Variants in TRMT11 observed in about 807,000 individuals in gnomAD.
The protein encoded by TRMT11 is tRNA methyltransferase 11.
Under a neutral mutation model 62.8 loss-of-function variants are expected in TRMT11, and 53 were observed. The observed-to-expected ratio is 0.84, with a 90% confidence interval of 0.68 to 1.06. TRMT11 has a LOEUF of 1.06. Ranked by LOEUF, TRMT11 falls within the 50% of genes least tolerant of loss-of-function variation. The pLI is 0.00. For missense variants in TRMT11, 556 were observed against 553.4 expected (o/e 1.00, Z -0.05); for synonymous variants, 188 against 190.3 (o/e 0.99, Z 0.10).
intron 17 of TRMT11, among the ~76,000 whole-genome samples, chr6:126,081,135 A>G (rs1427133530): frequency 6.6e-6 from 1 of 152,224 alleles, no homozygotes; most frequent in Non-Finnish European, 1.5e-5. Flanking sequence ...ACTGTGAACC[A>G]TAAATTTAAT....
intron 11 of TRMT11, 50 bp downstream of exon 11, chr6:126,013,151 C>T (rs554969079): frequency 5.3e-5 from 81 of 1,515,150 alleles, no homozygotes; most frequent in South Asian, 2.6e-4. Flanking sequence ...ACAATGTTTG[C>T]GTATCTAGTA....
chr6:126,089,175 G>A (rs532962220), intron 17 of TRMT11, among the ~76,000 whole-genome samples: 6 of 150,886 alleles, frequency 4.0e-5, no homozygotes, highest in South Asian at 4.2e-4. Flanking sequence ...GTGCAGTGGC[G>A]CGATCTTGGC....
upstream of TRMT11, among the ~76,000 whole-genome samples, chr6:126,174,380 C>T (rs1254047165): frequency 2.0e-5 from 3 of 152,192 alleles, no homozygotes; most frequent in African/African-American, 7.2e-5. Context: ...GTATGAATTT[C>T]GTATCTGTAC....
At chr6:126,031,923 A>G (rs142716672) in intron 12 of TRMT11, among the ~76,000 whole-genome samples, 23 of 152,262 alleles carry the variant, frequency 1.5e-4, no homozygotes, top group African/African-American at 5.1e-4. Context: ...TGGTGAGGCT[A>G]TAAACCAAGG....
intron 1 of TRMT11, among the ~76,000 whole-genome samples, chr6:126,190,368 G>C (rs934099759): frequency 9.9e-5 from 15 of 152,064 alleles, no homozygotes; most frequent in African/African-American, 3.6e-4. Context: ...TCTCATGAGA[G>C]CTGATGGTTT....
At chr6:126,214,680 G>A in the TRMT11 span, among the ~76,000 whole-genome samples, 2 of 151,690 alleles carry the variant, frequency 1.3e-5, no homozygotes, top group Admixed American at 6.6e-5. Context: ...CAAAAAACCA[G>A]CTTGTTGTTT....
intron 17 of TRMT11, among the ~76,000 whole-genome samples, chr6:126,078,711 A>G (rs1333428135): frequency 2.0e-5 from 3 of 152,126 alleles, no homozygotes; most frequent in African/African-American, 7.2e-5. Flanking sequence ...AACTTGAGCG[A>G]CCACAGCTGC....
chr6:126,267,868 G>A, the TRMT11 span, among the ~76,000 whole-genome samples: 1 of 151,992 alleles, frequency 6.6e-6, no homozygotes, highest in African/African-American at 2.4e-5. Context: ...TTCCTGACTG[G>A]CCCCAGGCCA....
chr6:126,194,668 T>G (rs977445559), intron 1 of TRMT11, among the ~76,000 whole-genome samples: 2 of 152,222 alleles, frequency 1.3e-5, no homozygotes, highest in Non-Finnish European at 2.9e-5. Flanking sequence ...CACTGTCCCT[T>G]TCAACTTTGT....
At chr6:126,043,628 C>T (rs1775951220), downstream of TRMT11, among the ~76,000 whole-genome samples, 1 of 152,168 alleles carries the variant, frequency 6.6e-6, no homozygotes, top group African/African-American at 2.4e-5. Flanking sequence ...GGAATTGCCA[C>T]ACTGACTTCT....
intron 21 of TRMT11, among the ~76,000 whole-genome samples, chr6:126,122,385 G>A (rs969382844): frequency 4.6e-5 from 7 of 152,136 alleles, no homozygotes; most frequent in East Asian, 3.9e-4. Flanking sequence ...TTTTCCTCAA[G>A]GCTAGGCATA....
At chr6:126,071,262 C>G (rs1489310033) in intron 17 of TRMT11, among the ~76,000 whole-genome samples, 1 of 152,026 alleles carries the variant, frequency 6.6e-6, no homozygotes, top group Non-Finnish European at 1.5e-5. Context: ...ATAAATCTTT[C>G]TAATTAGCTG....
chr6:126,019,244 A>G (rs1795452013), intron 11 of TRMT11, among the ~76,000 whole-genome samples: 1 of 152,220 alleles, frequency 6.6e-6, no homozygotes, highest in Non-Finnish European at 1.5e-5. Context: ...GTATTGTTAA[A>G]TTAATTGGCT....
At chr6:126,082,982 A>G (rs1287549343) in intron 17 of TRMT11, among the ~76,000 whole-genome samples, 1 of 152,218 alleles carries the variant, frequency 6.6e-6, no homozygotes, top group Admixed American at 6.5e-5. Context: ...GTTAATATCC[A>G]AAATTTATAA....
the TRMT11 span, among the ~76,000 whole-genome samples, chr6:126,249,006 A>G: frequency 6.6e-6 from 1 of 152,128 alleles, no homozygotes. Context: ...AGTATTTTAA[A>G]TGCCAGTTTT....
chr6:126,044,130 A>G (rs574065246), downstream of TRMT11, among the ~76,000 whole-genome samples: 14 of 152,018 alleles, frequency 9.2e-5, no homozygotes, highest in African/African-American at 3.1e-4. Flanking sequence ...GTCCTTGCCC[A>G]TGCCTATGTC....
At chr6:126,171,575 A>G (rs943454148) in intron 21 of TRMT11, among the ~76,000 whole-genome samples, 1 of 152,046 alleles carries the variant, frequency 6.6e-6, no homozygotes, top group East Asian at 1.9e-4. Context: ...AACTGCTCTT[A>G]TAGTATTCTT....
At chr6:126,062,838 C>T (rs1285295524) in intron 17 of TRMT11, among the ~76,000 whole-genome samples, 1 of 152,082 alleles carries the variant, frequency 6.6e-6, no homozygotes, top group Non-Finnish European at 1.5e-5. Flanking sequence ...AATAATACTG[C>T]CTTATAAAAA....
At chr6:126,102,555 C>T (rs774332412) in intron 17 of TRMT11, among the ~76,000 whole-genome samples, 14 of 135,568 alleles carry the variant, frequency 1.0e-4, no homozygotes, top group Admixed American at 4.2e-4. Flanking sequence ...TCTCAAGTTG[C>T]CCAGTGATTT....
Sources: allele counts gnomAD v4.1 joint callset (sites outside exome capture counted in the v4.1 genomes callset), GRCh38; gene constraint gnomAD v4.1.1; transcripts MANE v1.5; gene names NCBI Gene and HGNC (gene_info 2026-07-23, HGNC 2026-07-21).